The following FGGY variants were observed in gnomAD, a reference collection of about 807,000 sequenced individuals.
The protein encoded by FGGY is FGGY carbohydrate kinase domain-containing protein.
FGGY carries 72 observed loss-of-function variants against 71.3 expected under a neutral mutation model. The ratio of observed to expected loss-of-function variants is 1.01; its 90% confidence interval spans 0.84 to 1.23. The LOEUF (loss-of-function observed/expected upper bound fraction) is 1.23, where lower values mean the gene tolerates loss of function less well. Ranked by LOEUF, FGGY falls within the 50% of genes most tolerant of loss-of-function variation. The probability of loss-of-function intolerance (pLI) is 0.00; values close to 1 mark genes in which losing one functional copy is unlikely to be tolerated. For synonymous variants in FGGY, 251 were observed against 250.3 expected (o/e 1.00, Z -0.02); for missense variants, 668 against 682.3 (o/e 0.98, Z 0.23).
intron 6 of FGGY, among the ~76,000 whole-genome samples, chr1:59,509,385 G>A (rs2094466184): frequency 6.6e-6 from 1 of 152,118 alleles, no homozygotes. Flanking sequence ...AATACTGCCA[G>A]AGAGTGCTTA....
chr1:59,516,719 G>A (rs1361904640), intron 7 of FGGY, among the ~76,000 whole-genome samples: 1 of 152,086 alleles, frequency 6.6e-6, no homozygotes, highest in Non-Finnish European at 1.5e-5. Flanking sequence ...ACACAGCTTT[G>A]GATTTGGAAT....
chr1:59,384,412 T>C (rs1251690953), intron 5 of FGGY, among the ~76,000 whole-genome samples: 1 of 152,170 alleles, frequency 6.6e-6, no homozygotes, highest in Admixed American at 6.5e-5. Context: ...TTCTGCCTTC[T>C]CTATTTCTAC....
intron 4 of FGGY, among the ~76,000 whole-genome samples, chr1:59,365,523 C>T (rs1367324723): frequency 1.3e-5 from 2 of 152,216 alleles, no homozygotes; most frequent in Non-Finnish European, 2.9e-5. Flanking sequence ...TCTCTCATCT[C>T]CTCCAGTAAG....
chr1:59,397,813 G>A (rs1174232887), intron 5 of FGGY, among the ~76,000 whole-genome samples: 1 of 152,156 alleles, frequency 6.6e-6, no homozygotes, highest in African/African-American at 2.4e-5. Flanking sequence ...TCATTCACAG[G>A]GAGTACTTCG....
chr1:59,669,947 A>C (rs1191763794), intron 13 of FGGY, among the ~76,000 whole-genome samples: 1 of 152,156 alleles, frequency 6.6e-6, no homozygotes, highest in Non-Finnish European at 1.5e-5. Context: ...GGCTTCACAG[A>C]AAGTTCTGCT....
At chr1:59,422,297 C>A (rs1295858553) in intron 5 of FGGY, among the ~76,000 whole-genome samples, 1 of 152,210 alleles carries the variant, frequency 6.6e-6, no homozygotes, top group Non-Finnish European at 1.5e-5. Context: ...TTAATAGATT[C>A]AGTTGCTCAG....
intron 7 of FGGY, among the ~76,000 whole-genome samples, chr1:59,519,327 A>G (rs2094756962): frequency 6.6e-6 from 1 of 152,258 alleles, no homozygotes. Flanking sequence ...ATGGGGTTAG[A>G]CAGTGACTAT....
intron 8 of FGGY, among the ~76,000 whole-genome samples, chr1:59,565,372 C>G (rs1442998498): frequency 6.6e-6 from 1 of 152,074 alleles, no homozygotes; most frequent in Admixed American, 6.6e-5. Context: ...GCAAGCTCTG[C>G]CTCCCGGGTT....
chr1:59,339,741 G>T (rs377583295), intron 2 of FGGY, among the ~76,000 whole-genome samples: 1 of 152,096 alleles, frequency 6.6e-6, no homozygotes, highest in Non-Finnish European at 1.5e-5. Flanking sequence ...GGGATTACAG[G>T]TGTGAGCTGC....
chr1:59,756,771 G>T (rs2098295197), intron 14 of FGGY, among the ~76,000 whole-genome samples: 1 of 152,184 alleles, frequency 6.6e-6, no homozygotes, highest in African/African-American at 2.4e-5. Context: ...ATACAAAGTG[G>T]CAGAAGGAAA....
At chr1:59,543,787 C>A (rs2095481330) in intron 7 of FGGY, among the ~76,000 whole-genome samples, 1 of 151,984 alleles carries the variant, frequency 6.6e-6, no homozygotes, top group South Asian at 2.1e-4. Context: ...TCAAGCATCT[C>A]ACTGGTTTGT....
At chr1:59,347,384 A>G (rs2052276977) in intron 4 of FGGY, among the ~76,000 whole-genome samples, 1 of 151,746 alleles carries the variant, frequency 6.6e-6, no homozygotes, top group African/African-American at 2.4e-5. Flanking sequence ...GCTGAGAATG[A>G]TGGTTTCCAG....
At chr1:59,652,006 T>G (rs2097167368) in intron 11 of FGGY, among the ~76,000 whole-genome samples, 1 of 150,080 alleles carries the variant, frequency 6.7e-6, no homozygotes, top group Admixed American at 6.6e-5. Flanking sequence ...TCTCCTTCAC[T>G]TATGAAGCTT....
At chr1:59,399,313 T>A (rs764260488) in intron 5 of FGGY, among the ~76,000 whole-genome samples, 4 of 152,202 alleles carry the variant, frequency 2.6e-5, no homozygotes, top group African/African-American at 4.8e-5. Context: ...TCAACACAGA[T>A]GCTATTTATT....
intron 5 of FGGY, among the ~76,000 whole-genome samples, chr1:59,380,661 T>A (rs1353131867): frequency 3.3e-5 from 5 of 151,754 alleles, no homozygotes; most frequent in East Asian, 3.9e-4. Context: ...CTTGTAAATT[T>A]GTTTGAGTTC....
intron 8 of FGGY, among the ~76,000 whole-genome samples, chr1:59,591,690 AG>A (rs2096442752): frequency 6.6e-6 from 1 of 152,220 alleles, no homozygotes; most frequent in South Asian, 2.1e-4. Flanking sequence ...CAATGGGGAA[AG>A]GATTCCCTAT....
At chr1:59,689,242 T>G (rs2097570388) in intron 14 of FGGY, among the ~76,000 whole-genome samples, 1 of 152,082 alleles carries the variant, frequency 6.6e-6, no homozygotes, top group Middle Eastern at 3.2e-3. Context: ...TGAAATGGGC[T>G]GGAGTGGAAA....
At chr1:59,736,208 T>A (rs183833910) in intron 14 of FGGY, among the ~76,000 whole-genome samples, 62 of 152,238 alleles carry the variant, frequency 4.1e-4, no homozygotes, top group African/African-American at 1.5e-3. Context: ...GAACTGTGAG[T>A]CCAATTAAAC....
chr1:59,302,417 G>T (rs185441319), intron 1 of FGGY, among the ~76,000 whole-genome samples: 1 of 152,032 alleles, frequency 6.6e-6, no homozygotes, highest in African/African-American at 2.4e-5. Flanking sequence ...TCTAAATGCC[G>T]GTCAATGGTA....
Sources: gnomAD v4.1 joint callset for allele counts (sites outside exome capture counted in the v4.1 genomes callset) on GRCh38, gnomAD v4.1.1 for gene constraint, MANE v1.5 for transcripts, NCBI Gene and HGNC (gene_info 2026-07-23, HGNC 2026-07-21) for gene names.